The following SLC43A1 variants were observed in gnomAD, a reference collection of about 807,000 sequenced individuals.
SLC43A1 encodes the protein large neutral amino acids transporter small subunit 3.
Under a neutral mutation model 59.5 loss-of-function variants are expected in SLC43A1, and 31 were observed. That is an observed-to-expected ratio of 0.52 (90% CI 0.39 to 0.70). The LOEUF (loss-of-function observed/expected upper bound fraction) is 0.70, where lower values mean the gene tolerates loss of function less well. SLC43A1 is among the 30% of genes least tolerant of loss of function. SLC43A1 has a pLI of 0.00. For missense variants in SLC43A1, 598 were observed against 717.8 expected, an observed-to-expected ratio of 0.83 and a Z score of 1.91; for synonymous variants, 259 against 290.9, an observed-to-expected ratio of 0.89 and a Z score of 1.12.
chr11:57,484,920 G>T lies in SLC43A1; in HGVS notation c.*176C>A. The T allele has an allele frequency of 1.3e-6, 1 of 750,512 alleles. No individual in the cohort carries two copies. The highest frequency in any genetic ancestry group is 2.0e-6 in the Non-Finnish European group (1 of 499,354). 46.5% of individuals were successfully genotyped at this position (750,512 alleles called of 1,614,324 possible). A position where few individuals can be genotyped will look rare whatever the true frequency, so the allele number is the denominator to read the frequency against. On this transcript the variant is annotated 3_prime_UTR_variant, in exon 15 of 15. Transcript: ENST00000278426. ...GAGCGTTGACTTAGGGGGCGTTTTTGAAGGTTTTTTTTCCTCCTTTTTGCA... is the reference window on the plus strand; with the variant it reads ...GAGCGTTGACTTAGGGGGCGTTTTTTAAGGTTTTTTTTCCTCCTTTTTGCA...
In SLC43A1 at chr11:57,491,732, A is replaced by G. The variant is rs1013315810; in HGVS notation, c.1002T>C (p.Thr334=). The change falls in exon 9 of 15, where the codon ACT becomes ACC. Residue 334 remains threonine (T), a synonymous_variant. Transcript: ENST00000278426. The stretch of plus-strand genomic sequence containing the variant: ...GTGCCTCACCATGCTCCTGGCCACC[A>G]GTCACAAGGTACTCCAGCATCTTGT... ...AVNKMLEYLV[T]GGQEHETNEQ... 6.2e-7 allele frequency: 1 copy of G among 1,614,258 alleles called. No homozygotes were observed. Among genetic ancestry groups the G allele is most frequent in the Admixed American group, 1.7e-5 (1 of 60,038 alleles).
intron 7 of SLC43A1, 99 bp downstream of exon 7, chr11:57,495,932 C>A: frequency 7.1e-7 from 1 of 1,401,506 alleles, no homozygotes; most frequent in South Asian, 1.4e-5. Flanking sequence ...AGCAGAGGTC[C>A]AAGCCGAGGT....
intron 7 of SLC43A1, among the ~76,000 whole-genome samples, chr11:57,495,487 T>C (rs1274376573): frequency 6.6e-6 from 1 of 151,936 alleles, no homozygotes; most frequent in Non-Finnish European, 1.5e-5. Flanking sequence ...AATAAATATT[T>C]ACCATGTTTT....
chr11:57,491,436 C>G (rs1419153716), intron 10 of SLC43A1, 74 bp from the exon 11 acceptor site: 2 of 1,554,068 alleles, frequency 1.3e-6, no homozygotes, highest in Non-Finnish European at 1.7e-6. Flanking sequence ...CCAGCGGAGG[C>G]CAGAGAGCAC....
At chr11:57,497,312 G>C (rs1236352727) in intron 6 of SLC43A1, among the ~76,000 whole-genome samples, 1 of 152,158 alleles carries the variant, frequency 6.6e-6, no homozygotes, top group Non-Finnish European at 1.5e-5. Context: ...ACCTGTCCAG[G>C]ATCCAGCCTG....
At chr11:57,497,498 G>A (rs1413792459) in intron 6 of SLC43A1, among the ~76,000 whole-genome samples, 2 of 152,250 alleles carry the variant, frequency 1.3e-5, no homozygotes, top group African/African-American at 4.8e-5. Context: ...TCAGCAGTGT[G>A]TGAGCCAGTT....
Position 57,514,224 on chromosome 11 carries a change from G to C in SLC43A1, c.-13-100C>G. On this transcript the variant is annotated intron_variant, in intron 1 of 14. Coordinates refer to ENST00000278426, the MANE Select transcript of SLC43A1 (RefSeq NM_003627.6). This position sits in a 1 kb window ranked among gnomAD's most constrained non-coding sequence, Gnocchi z 5.5. ...CGAGACCTCTCGGGCCAGCCCGCGA[G>C]GAGCCCCTCATGGAGGCCCCATAGA... The C allele has an allele frequency of 7.2e-7, 1 of 1,380,478 alleles. No homozygotes were observed. 85.5% of individuals were successfully genotyped at this position (1,380,478 alleles called of 1,614,324 possible).
At position 57,514,909 on chromosome 11, in the gene SLC43A1, T is replaced by G; in HGVS notation, c.-14+535A>C. On this transcript the variant is annotated intron_variant, in intron 1 of 14. Coordinates refer to ENST00000278426, the MANE Select transcript of SLC43A1 (RefSeq NM_003627.6). The surrounding 1 kb of genome is among the most constrained non-coding windows in gnomAD (Gnocchi z 5.5). ...ACTTTATAAGGGCAGCGGTGGCGGA[T>G]GGGCTGGCGGGCGGGTGTGTTTACC... 2 of 980,374 alleles carry G rather than the reference T, an allele frequency of 2.0e-6. No individual in the cohort carries two copies. Among genetic ancestry groups the G allele is most frequent in the Non-Finnish European group, 2.4e-6 (2 of 825,612 alleles). 60.7% of individuals were successfully genotyped at this position (980,374 alleles called of 1,614,324 possible). A position where few individuals can be genotyped will look rare whatever the true frequency, so the allele number is the denominator to read the frequency against.
At chr11:57,505,909 G>A (rs1259026281) in intron 2 of SLC43A1, among the ~76,000 whole-genome samples, 1 of 152,190 alleles carries the variant, frequency 6.6e-6, no homozygotes, top group Non-Finnish European at 1.5e-5. Flanking sequence ...CCACCTGAGA[G>A]GCTGGCTCTG....
intron 6 of SLC43A1, 95 bp downstream of exon 6, chr11:57,497,658 A>G (rs1294669840): frequency 2.5e-6 from 2 of 813,934 alleles, no homozygotes; most frequent in African/African-American, 1.7e-5. Flanking sequence ...AGGAGAGCGG[A>G]GAAGTCAGAC....
At chr11:57,494,420 G>A (rs1347748343) in intron 7 of SLC43A1, 5 of 486,340 alleles carry the variant, frequency 1.0e-5, no homozygotes, top group Non-Finnish European at 1.8e-5. Flanking sequence ...CCATGGAGGA[G>A]GCAGCATTAA....
Position 57,513,938 on chromosome 11 carries a change from C to CCCCCCCCCCATTTA in SLC43A1, c.154+19_154+20insTAAATGGGGGGGGG. 1 of 1,311,326 alleles carries CCCCCCCCCCATTTA rather than the reference C, an allele frequency of 7.6e-7. No individual in the cohort carries two copies. Among genetic ancestry groups the CCCCCCCCCCATTTA allele is most frequent in the Non-Finnish European group, 1.1e-6 (1 of 922,932 alleles). The allele number at this position is 1,311,326 out of a possible 1,614,324, so 81.2% of individuals were successfully genotyped here. ...TTGCCATCCCTCCCCCCAGCCCACC[C>CCCCCCCCCCATTTA]AGCCCATTTTCAGGCATACCTGGGC... is the stretch of plus-strand genomic sequence containing the variant. On this transcript the variant is annotated intron_variant, in intron 2 of 14. Transcript: ENST00000278426.
chr11:57,504,608 G>T (rs964261229), intron 2 of SLC43A1, among the ~76,000 whole-genome samples: 1 of 152,210 alleles, frequency 6.6e-6, no homozygotes, highest in Non-Finnish European at 1.5e-5. Flanking sequence ...AAGAAGCAAA[G>T]CAATTCAGTT....
intron 2 of SLC43A1, among the ~76,000 whole-genome samples, chr11:57,509,630 GA>G (rs1944477572): frequency 7.6e-6 from 1 of 131,298 alleles, no homozygotes; most frequent in African/African-American, 2.8e-5. Flanking sequence ...AGGAAGGAAG[GA>G]AGGAAGGAAG....
Position 57,491,756 on chromosome 11 carries a change from G to C in SLC43A1, c.978C>G (p.Asn326Lys). 1.2e-6 allele frequency: 2 copies of C among 1,614,252 alleles called. No homozygotes were observed. Among genetic ancestry groups the C allele is most frequent in the Non-Finnish European group, 1.7e-6 (2 of 1,180,044 alleles). Residue 326 changes from asparagine (N) to lysine (K), a missense_variant, in exon 9 of 15, where the codon AAC becomes AAG. Transcript: ENST00000278426. ...LRIIFYMAAV[N>K]KMLEYLVTGG... ...CAGTCACAAGGTACTCCAGCATCTT[G>C]TTCACAGCAGCCATGTAGAAGATGA...
intron 2 of SLC43A1, among the ~76,000 whole-genome samples, chr11:57,512,751 G>A (rs1439038922): frequency 6.6e-6 from 1 of 151,788 alleles, no homozygotes; most frequent in Non-Finnish European, 1.5e-5. Flanking sequence ...CAGCCTGGCT[G>A]CCAACCCCAC....
chr11:57,501,757 T>C (rs1031484936), intron 2 of SLC43A1, among the ~76,000 whole-genome samples: 1 of 152,152 alleles, frequency 6.6e-6, no homozygotes, highest in Non-Finnish European at 1.5e-5. Context: ...CCCACCACTG[T>C]GGGAGGCTGA....
rs1294010346 is a variant in SLC43A1, at chr11:57,503,307, T to TG, written c.155-1979_155-1978insC. ...GTCATTTCTCTACAGGTTTTTTTTT[T>TG]TTTTTTTTTTGAGACAGGGTCTCAC... On this transcript the variant is annotated intron_variant, in intron 2 of 14. Transcript: ENST00000278426. Among the ~76,000 whole-genome samples, 209 of 149,768 alleles carry TG rather than the reference T, an allele frequency of 1.4e-3. 1 individual carries two copies. The highest frequency in any genetic ancestry group is 4.7e-3 in the African/African-American group (191 of 40,690).
rs1320066147 is a variant in SLC43A1 at position 57,501,152 on chromosome 11, C to T, written c.332G>A (p.Ser111Asn). The T allele has an allele frequency of 2.7e-5, 43 of 1,612,584 alleles. No individual in the cohort carries two copies. Among genetic ancestry groups the T allele is most frequent in the Non-Finnish European group, 3.6e-5 (42 of 1,179,800 alleles). The change falls in exon 3 of 15, where the codon AGT (serine) becomes AAT (asparagine). Residue 111 changes from serine (S) to asparagine (N), a missense_variant and splice_region_variant. By Grantham distance (46) the Ser-to-Asn change is conservative. Coordinates refer to ENST00000278426, the MANE Select transcript of SLC43A1 (RefSeq NM_003627.6). The stretch of plus-strand genomic sequence containing the variant: ...GTTCCCCATAGCCCAGCCACCTCAC[C>T]TGCCAACCAGCCGCACGGGTCGGGG... Reference protein sequence around the residue: ...FGPRPVRLVGSACFTASCTLM... With the variant: ...FGPRPVRLVGNACFTASCTLM...
Sources: allele counts gnomAD v4.1 joint callset (sites outside exome capture counted in the v4.1 genomes callset), GRCh38; gene constraint gnomAD v4.1.1; non-coding constraint Gnocchi (gnomAD v3.1); transcripts MANE v1.5; gene names NCBI Gene and HGNC (gene_info 2026-07-23, HGNC 2026-07-21).